Variants in CCDC97 observed in about 807,000 individuals in gnomAD.
CCDC97 encodes the protein coiled-coil domain-containing protein 97.
In CCDC97, 27 loss-of-function variants were observed where a neutral mutation model predicts 33.9. The ratio of observed to expected loss-of-function variants is 0.80; its 90% CI spans 0.59 to 1.10. The LOEUF (loss-of-function observed/expected upper bound fraction) is 1.10. CCDC97 is among the 50% of genes least tolerant of loss of function. The probability of loss-of-function intolerance (pLI) is 0.00; values close to 1 mark genes in which losing one functional copy is unlikely to be tolerated. For missense variants in CCDC97, 422 were observed against 476.6 expected, an observed-to-expected ratio of 0.89 and a Z score of 1.07; for synonymous variants, 217 against 194.0, an observed-to-expected ratio of 1.12 and a Z score of -0.99.
Position 41,316,554 on chromosome 19 carries a change from A to C in CCDC97, c.217A>C (p.Ser73Arg), listed in dbSNP as rs754348188. Residue 73 changes from serine to arginine, a missense_variant, in exon 2 of 5, where the codon AGC (serine) becomes CGC (arginine). By Grantham distance (110) the Ser-to-Arg change is moderately radical. Coordinates refer to ENST00000269967, the MANE Select transcript of CCDC97 (RefSeq NM_052848.3). ...TGCTATGCTGCACGCTGTAGCCGCC[A>C]GCCGCCTGCCTGTTTGCAGCCAGCA... is the stretch of plus-strand genomic sequence containing the variant. Reference protein sequence around the residue: ...VSAMLHAVAASRLPVCSQQQG... With the variant: ...VSAMLHAVAARRLPVCSQQQG... The C allele has an allele frequency of 3.7e-6, 6 of 1,614,114 alleles. No homozygotes were observed. In the African/African-American group the frequency reaches 8.0e-5, roughly 22 times the overall value.
intron 1 of CCDC97, among the ~76,000 whole-genome samples, chr19:41,314,524 A>T (rs1188904270): frequency 1.3e-5 from 2 of 152,260 alleles, no homozygotes; most frequent in African/African-American, 4.8e-5. Flanking sequence ...AAATTAGCAA[A>T]TGTATTAACG....
At chr19:41,318,444 C>G (rs772447420) in intron 2 of CCDC97, among the ~76,000 whole-genome samples, 3 of 152,104 alleles carry the variant, frequency 2.0e-5, no homozygotes, top group African/African-American at 7.2e-5. Context: ...GGCAACAGAG[C>G]GAGACTCCAT....
chr19:41,316,522 CAGT>C lies in CCDC97; in HGVS notation c.186_188del (p.Val63del). 3 of 1,614,244 alleles carry C rather than the reference CAGT, an allele frequency of 1.9e-6. No homozygotes were observed. The highest frequency in any genetic ancestry group is 1.3e-5 in the African/African-American group (1 of 75,062). On this transcript the variant is annotated inframe_deletion, in exon 2 of 5. Transcript: ENST00000269967. ...GACACCTCCGGGGCTGAAAATGCAG[CAGT>C]GAGTGCTATGCTGCACGCTGTAGCC...
rs568934703 is a variant in CCDC97, at chr19:41,315,428, G to A, written c.47-956G>A. On this transcript the variant is annotated intron_variant, in intron 1 of 4. Transcript: ENST00000269967. ...TGGAGACCAGCCTAGCCAACATAGC[G>A]AAACCCTGTCTCTACTAAAAATACA... is the stretch of plus-strand genomic sequence containing the variant. Among the ~76,000 whole-genome samples, 6 of 150,820 alleles carry A rather than the reference G, an allele frequency of 4.0e-5. No homozygotes were observed. In the East Asian group the frequency reaches 5.9e-4, roughly 15 times the overall value.
chr19:41,319,474 G>A lies in CCDC97; in HGVS notation c.503-100G>A. 4 of 875,724 alleles carry A rather than the reference G, an allele frequency of 4.6e-6. 1 individual carries two copies. In the South Asian group the frequency reaches 6.4e-5, roughly 14 times the overall value. 54.2% of individuals were successfully genotyped at this position (875,724 alleles called of 1,614,324 possible). A position where few individuals can be genotyped will look rare whatever the true frequency, so the allele number is the denominator to read the frequency against. On this transcript the variant is annotated intron_variant, in intron 2 of 4. Coordinates refer to ENST00000269967, the MANE Select transcript of CCDC97 (RefSeq NM_052848.3). ...GTGTGCATACACACACTTGGACTGT[G>A]TATGCACATCATCCCACAAGCATGA...
chr19:41,320,504 C>G (rs201575033), intron 4 of CCDC97, 34 bp downstream of exon 4: 51 of 1,613,034 alleles, frequency 3.2e-5, no homozygotes, highest in Non-Finnish European at 3.8e-5. Context: ...CATCCCCCAG[C>G]CCAGCATCCC....
At chr19:41,316,331 C>A in intron 1 of CCDC97, 53 bp from the exon 2 acceptor site, 1 of 1,417,590 alleles carries the variant, frequency 7.1e-7, no homozygotes, top group East Asian at 2.4e-5. Context: ...ACTAAGCCCC[C>A]AGTCCCTTCC....
chr19:41,313,353 C>T (rs1359546787), intron 1 of CCDC97, among the ~76,000 whole-genome samples: 6 of 152,120 alleles, frequency 3.9e-5, no homozygotes, highest in African/African-American at 2.4e-5. Flanking sequence ...TAGCAGCAGT[C>T]GGACCATTCC....
chr19:41,315,361 T>G (rs1015530857), intron 1 of CCDC97, among the ~76,000 whole-genome samples: 6 of 147,590 alleles, frequency 4.1e-5, no homozygotes, highest in African/African-American at 1.5e-4. Context: ...ATCCCAGCAC[T>G]TTGGGAGGCC....
At chr19:41,319,359 C>T (rs376851492) in intron 2 of CCDC97, among the ~76,000 whole-genome samples, 8 of 151,294 alleles carry the variant, frequency 5.3e-5, no homozygotes, top group African/African-American at 1.7e-4. Context: ...ATGCCTCAGG[C>T]GCCTGCATTA....
chr19:41,319,185 A>G (rs945860236), intron 2 of CCDC97, among the ~76,000 whole-genome samples: 3 of 152,248 alleles, frequency 2.0e-5, no homozygotes, highest in Non-Finnish European at 2.9e-5. Flanking sequence ...GCCCATGCAC[A>G]CACATGCTTG....
Position 41,319,643 on chromosome 19 carries a change from A to G in CCDC97, c.572A>G (p.Gln191Arg). 6.2e-7 allele frequency: 1 copy of G among 1,614,068 alleles called. No individual in the cohort carries two copies. ...CTGCTATATGAGCAGTACATCGGGC[A>G]GTATCTCACCCAGGAGGAGCTCAGT... Reference protein sequence around the residue: ...APLLYEQYIGQYLTQEELSAR... With the variant: ...APLLYEQYIGRYLTQEELSAR... The change falls in exon 3 of 5, where the codon CAG becomes CGG. Residue 191 changes from glutamine to arginine, a missense_variant. Physicochemically the swap from Gln to Arg is conservative, Grantham distance 43. Transcript: ENST00000269967.
At chr19:41,322,555 C>T (rs1012157254) in intron 4 of CCDC97, 40 bp from the exon 5 acceptor site, 1 of 1,602,094 alleles carries the variant, frequency 6.2e-7, no homozygotes. Flanking sequence ...TCCGAGGGTC[C>T]CAGGGAGACC....
At chr19:41,315,936 A>G (rs1274094138) in intron 1 of CCDC97, among the ~76,000 whole-genome samples, 2 of 152,098 alleles carry the variant, frequency 1.3e-5, no homozygotes, top group African/African-American at 4.8e-5. Flanking sequence ...TCTACAAAAA[A>G]TTTAAAAATT....
At chr19:41,314,525 T>C (rs1173645357) in intron 1 of CCDC97, among the ~76,000 whole-genome samples, 1 of 152,212 alleles carries the variant, frequency 6.6e-6, no homozygotes, top group African/African-American at 2.4e-5. Flanking sequence ...AATTAGCAAA[T>C]GTATTAACGA....
intron 2 of CCDC97, 86 bp from the exon 3 acceptor site, chr19:41,319,488 C>T (rs994524258): frequency 1.0e-6 from 1 of 991,964 alleles, no homozygotes; most frequent in Admixed American, 2.2e-5. Context: ...GCACATCATC[C>T]CACAAGCATG....
Position 41,310,214 on chromosome 19 carries a change from C to T in CCDC97, c.-97C>T. The T allele has an allele frequency of 1.3e-6, 2 of 1,514,976 alleles. No individual in the cohort carries two copies. The highest frequency in any genetic ancestry group is 1.8e-6 in the Non-Finnish European group (2 of 1,116,228). The allele number at this position is 1,514,976 out of a possible 1,614,324, so 93.8% of individuals were successfully genotyped here. A position where few individuals can be genotyped will look rare whatever the true frequency, so the allele number is the denominator to read the frequency against. On this transcript the variant is annotated 5_prime_UTR_variant, in exon 1 of 5. Transcript: ENST00000269967. ...GCCTGGGCGCAGCGGTGCACCCGGACCCGGAACATTCTCAGGCGAAAGTGT... is the reference window on the plus strand; with the variant it reads ...GCCTGGGCGCAGCGGTGCACCCGGATCCGGAACATTCTCAGGCGAAAGTGT...
chr19:41,321,284 C>T (rs2037822406), intron 4 of CCDC97, among the ~76,000 whole-genome samples: 1 of 152,240 alleles, frequency 6.6e-6, no homozygotes, highest in Non-Finnish European at 1.5e-5. Context: ...CAGGCCTGCT[C>T]AGAGCCCCAG....
rs1478923052 is a variant in CCDC97 at position 41,323,966 on chromosome 19, G to A, written c.*1251G>A. 1 of 152,708 alleles carries A rather than the reference G, an allele frequency of 6.5e-6. No homozygotes were observed. The highest frequency in any genetic ancestry group is 1.5e-5 in the Non-Finnish European group (1 of 68,198). 9.5% of individuals were successfully genotyped at this position (152,708 alleles called of 1,614,324 possible). A position where few individuals can be genotyped will look rare whatever the true frequency, so the allele number is the denominator to read the frequency against. On this transcript the variant is annotated 3_prime_UTR_variant, in exon 5 of 5. Transcript: ENST00000269967. ...TGTTGAGGGGGCACACAGGGCAAGGGTCACCAAGTCGGGGCCTAGGGACTC... is the reference window on the plus strand; with the variant it reads ...TGTTGAGGGGGCACACAGGGCAAGGATCACCAAGTCGGGGCCTAGGGACTC...
Sources: allele counts gnomAD v4.1 joint callset (sites outside exome capture counted in the v4.1 genomes callset), GRCh38; gene constraint gnomAD v4.1.1; transcripts MANE v1.5; gene names NCBI Gene and HGNC (gene_info 2026-07-23, HGNC 2026-07-21).